The following GRM5 variants were observed in gnomAD, a reference collection of about 807,000 sequenced individuals.
GRM5 encodes the protein metabotropic glutamate receptor 5.
In GRM5, 19 loss-of-function variants were observed where a neutral mutation model predicts 83.1. The observed-to-expected ratio is 0.23, with a 90% CI of 0.16 to 0.34. GRM5 has a LOEUF of 0.34. GRM5 is among the 10% of genes least tolerant of loss of function. GRM5 has a pLI of 1.00. For synonymous variants in GRM5, 675 were observed against 633.6 expected (o/e 1.07, Z -0.98); for missense variants, 1,160 against 1,588.3 (o/e 0.73, Z 4.58).
At chr11:88,627,572 A>G (rs766380600) in intron 4 of GRM5, among the ~76,000 whole-genome samples, 84 of 152,260 alleles carry the variant, frequency 5.5e-4, no homozygotes, top group Non-Finnish European at 9.3e-4. Flanking sequence ...GCATATTTCA[A>G]ATTTGAAATA....
At chr11:88,938,966 G>A (rs1937995620) in intron 2 of GRM5, among the ~76,000 whole-genome samples, 1 of 151,616 alleles carries the variant, frequency 6.6e-6, no homozygotes, top group Non-Finnish European at 1.5e-5. Context: ...AATTTGTACT[G>A]TTTTCTGCAC....
chr11:88,936,705 C>T (rs937809333), intron 2 of GRM5, among the ~76,000 whole-genome samples: 1 of 151,752 alleles, frequency 6.6e-6, no homozygotes, highest in Admixed American at 6.6e-5. Flanking sequence ...TAACTTTAAA[C>T]AGTCATTATG....
chr11:88,852,696 T>G (rs1266862933), intron 2 of GRM5, among the ~76,000 whole-genome samples: 2 of 152,112 alleles, frequency 1.3e-5, no homozygotes, highest in African/African-American at 2.4e-5. Context: ...ACTTGAAACA[T>G]TTAAATAAGA....
rs191565260 is a variant in GRM5, at chr11:88,728,456, C to T, written c.912-75053G>A. ...ATTCTACTAGAGGTACACCGAGGAGCTGGTACCATTACTTCTGAAACTATT... is the reference window on the plus strand; with the variant it reads ...ATTCTACTAGAGGTACACCGAGGAGTTGGTACCATTACTTCTGAAACTATT... On this transcript the variant is annotated intron_variant, in intron 3 of 9. Transcript: ENST00000305447. Among the ~76,000 whole-genome samples, 431 of 152,254 alleles carry T rather than the reference C, an allele frequency of 2.8e-3. 1 individual carries two copies. The highest frequency in any genetic ancestry group is 9.9e-3 in the African/African-American group (411 of 41,556).
intron 3 of GRM5, among the ~76,000 whole-genome samples, chr11:88,752,950 A>G (rs1242314071): frequency 6.6e-6 from 1 of 152,232 alleles, no homozygotes; most frequent in Non-Finnish European, 1.5e-5. Flanking sequence ...ATATGCAAAA[A>G]TTAATTCAAG....
At chr11:88,915,301 G>A (rs1395620945) in intron 2 of GRM5, among the ~76,000 whole-genome samples, 1 of 152,090 alleles carries the variant, frequency 6.6e-6, no homozygotes, top group African/African-American at 2.4e-5. Flanking sequence ...AACAAGATTG[G>A]TGGTTTATAA....
chr11:88,726,949 A>C (rs1941696913), intron 3 of GRM5, among the ~76,000 whole-genome samples: 1 of 152,224 alleles, frequency 6.6e-6, no homozygotes, highest in Non-Finnish European at 1.5e-5. Flanking sequence ...CAAATTGTAA[A>C]GACCATCAAT....
chr11:88,523,237 T>C (rs1941752969), intron 9 of GRM5, among the ~76,000 whole-genome samples: 2 of 152,168 alleles, frequency 1.3e-5, no homozygotes, highest in Non-Finnish European at 2.9e-5. Context: ...CTAGGAAACT[T>C]GTTACATGAC....
At position 88,750,974 on chromosome 11, in the gene GRM5, T is replaced by C. The variant is rs189488366; in HGVS notation, c.912-97571A>G. Reference sequence around the variant, plus strand: ...ATCAAAAACTAGAAAGATCACAAGTTAGAAACTTCACATCTCAACTAAAAG... The same window carrying C: ...ATCAAAAACTAGAAAGATCACAAGTCAGAAACTTCACATCTCAACTAAAAG... On this transcript the variant is annotated intron_variant, in intron 3 of 9. Transcript: ENST00000305447. Among the ~76,000 whole-genome samples, 107 of 145,162 alleles carry C rather than the reference T, an allele frequency of 7.4e-4. 2 individuals carry two copies. The highest frequency in any genetic ancestry group is 2.8e-4 in the Non-Finnish European group (19 of 66,942).
chr11:88,813,617 A>G (rs183974276), intron 3 of GRM5, among the ~76,000 whole-genome samples: 8 of 152,334 alleles, frequency 5.3e-5, no homozygotes. Context: ...CCAGTTTTAT[A>G]TCACAACAGT....
intron 8 of GRM5, among the ~76,000 whole-genome samples, chr11:88,556,538 G>T (rs552309710): frequency 3.9e-5 from 6 of 152,050 alleles, no homozygotes; most frequent in African/African-American, 1.2e-4. Context: ...GGTCAGGCTG[G>T]TCTTAAACTC....
intron 3 of GRM5, among the ~76,000 whole-genome samples, chr11:88,743,932 T>A (rs1942080236): frequency 6.6e-6 from 1 of 152,130 alleles, no homozygotes; most frequent in South Asian, 2.1e-4. Context: ...TATTGACTAG[T>A]TAGGCAAACA....
Position 88,757,164 on chromosome 11 carries a change from C to A in GRM5, c.911+92742G>T, listed in dbSNP as rs199596770. Among the ~76,000 whole-genome samples the A allele has an allele frequency of 7.9e-5, 12 of 152,192 alleles. No individual in the cohort carries two copies. The East Asian group carries it at 9.7e-4, about 12-fold the overall frequency. On this transcript the variant is annotated intron_variant, in intron 3 of 9. Transcript: ENST00000305447. ...TTCAAAGCAGTCAAAGGAAAAAAAA[C>A]CGATCTGTCAAATGAGAATTCCATA...
intron 2 of GRM5, among the ~76,000 whole-genome samples, chr11:88,856,679 T>G (rs1272008881): frequency 6.6e-6 from 1 of 152,082 alleles, no homozygotes; most frequent in African/African-American, 2.4e-5. Flanking sequence ...GTGCGGTATC[T>G]TTGTACAACG....
At chr11:89,055,263 C>T (rs118118222) in intron 1 of GRM5, among the ~76,000 whole-genome samples, 1,590 of 152,302 alleles carry the variant, frequency 0.01, 15 homozygotes, top group Middle Eastern at 0.037. Context: ...AGGCATTTAG[C>T]CTCTCTGAGC....
intron 2 of GRM5, among the ~76,000 whole-genome samples, chr11:89,045,708 C>T (rs1941627816): frequency 6.6e-6 from 1 of 152,142 alleles, no homozygotes; most frequent in African/African-American, 2.4e-5. Context: ...ACTTGCCACA[C>T]CGTGACCAAG....
At chr11:88,960,697 T>G (rs915241727) in intron 2 of GRM5, among the ~76,000 whole-genome samples, 6 of 152,138 alleles carry the variant, frequency 3.9e-5, no homozygotes, top group Admixed American at 3.9e-4. Flanking sequence ...TTGAGCTGAT[T>G]TATCCTAGAT....
intron 2 of GRM5, among the ~76,000 whole-genome samples, chr11:89,000,877 G>T (rs939629544): frequency 6.6e-6 from 1 of 151,900 alleles, no homozygotes. Flanking sequence ...ATGCTCATTA[G>T]TATATGGGCA....
intron 2 of GRM5, among the ~76,000 whole-genome samples, chr11:89,009,551 T>C (rs1940623824): frequency 6.6e-6 from 1 of 152,004 alleles, no homozygotes; most frequent in South Asian, 2.1e-4. Context: ...TTGTGCAGAA[T>C]ACAAAAAGTG....
Sources: allele counts gnomAD v4.1 joint callset (sites outside exome capture counted in the v4.1 genomes callset), GRCh38; gene constraint gnomAD v4.1.1; transcripts MANE v1.5; gene names NCBI Gene and HGNC (gene_info 2026-07-23, HGNC 2026-07-21).